The following PRPF8 variants were observed in gnomAD, a reference collection of about 807,000 sequenced individuals.
PRPF8 encodes the protein pre-mRNA processing factor 8.
Under a neutral mutation model 285.9 loss-of-function variants are expected in PRPF8, and 64 were observed. That is an observed-to-expected ratio of 0.22 (90% confidence interval 0.18 to 0.28). The LOEUF is 0.28. Ranked by LOEUF, PRPF8 falls within the 10% of genes least tolerant of loss-of-function variation. PRPF8 has a pLI of 1.00. For missense variants in PRPF8, 1,426 were observed against 3,026.7 expected, an observed-to-expected ratio of 0.47 and a Z score of 12.41; for synonymous variants, 1,325 against 1,118.2, an observed-to-expected ratio of 1.18 and a Z score of -3.69.
rs763727794 is a variant in PRPF8 at position 1,653,648 on chromosome 17, T to C, written c.6263A>G (p.Asn2088Ser). ...ISAANLHLRT[N>S]HIYVSSDDIK... ...GTCGTCAGATGAAACATAGATGTGA[T>C]TGGTCCTTAGGTGCAGGTTGGCAGC... is the stretch of plus-strand genomic sequence containing the variant. Residue 2088 changes from asparagine (N) to serine (S), a missense_variant, in exon 39 of 43, where the codon AAT becomes AGT. Around this residue, in one of 34 missense-constraint regions of PRPF8, gnomAD observed 160 missense variants for 373.7 expected, o/e 0.43. Coordinates refer to ENST00000304992, the MANE Select transcript of PRPF8 (RefSeq NM_006445.4). The surrounding 1 kb of genome is among the most constrained non-coding windows in gnomAD (Gnocchi z 4.9). 14 of 1,614,034 alleles carry C rather than the reference T, an allele frequency of 8.7e-6. No individual in the cohort carries two copies. Among genetic ancestry groups the C allele is most frequent in the South Asian group, 2.2e-5 (2 of 91,082 alleles).
chr17:1,681,190 C>A, intron 6 of PRPF8, 136 bp from the exon 7 acceptor site: 1 of 987,776 alleles, frequency 1.0e-6, no homozygotes, highest in Non-Finnish European at 1.6e-6. Flanking sequence ...ACAATCCTCC[C>A]ACAGCTCAGC....
intron 14 of PRPF8, 182 bp downstream of exon 14, chr17:1,677,383 C>T: frequency 1.0e-6 from 1 of 999,432 alleles, no homozygotes; most frequent in South Asian, 1.4e-5. Context: ...TGCATGACTG[C>T]CTCTCAAGGC....
At chr17:1,684,078 G>C (rs942372194) in intron 2 of PRPF8, among the ~76,000 whole-genome samples, 6 of 152,038 alleles carry the variant, frequency 3.9e-5, no homozygotes, top group Non-Finnish European at 8.8e-5. Context: ...GTAGAGACGA[G>C]GTTTCACTGT....
At chr17:1,674,018 ATTTTAT>A (rs1912472664) in intron 21 of PRPF8, 126 bp from the exon 22 acceptor site, 1 of 1,023,646 alleles carries the variant, frequency 9.8e-7, no homozygotes, top group Non-Finnish European at 1.4e-6. Context: ...GCTTCATTCC[ATTTTAT>A]TTTTATTTAT....
At chr17:1,654,130 A>G in intron 37 of PRPF8, 114 bp from the exon 38 acceptor site, 1 of 1,477,200 alleles carries the variant, frequency 6.8e-7, no homozygotes, top group South Asian at 1.1e-5. Flanking sequence ...CGCCCCAGAC[A>G]ATCCACAAGA....
intron 39 of PRPF8, chr17:1,652,927 C>T (rs1157422944): frequency 6.0e-6 from 1 of 168,000 alleles, no homozygotes; most frequent in East Asian, 1.6e-4. Context: ...GGACTACAGC[C>T]ACGTTTTTTT....
rs773012698 is a variant in PRPF8, at chr17:1,675,609, G to T, written c.2872+11C>A. On this transcript the variant is annotated intron_variant, in intron 19 of 42. Transcript: ENST00000304992. This position sits in a 1 kb window ranked among gnomAD's most constrained non-coding sequence, Gnocchi z 6.0. ...CCCGTTCCTCACAGGGCGATCTCAT[G>T]AAAGTTCTACCTTGACACCACTTGT... is the stretch of plus-strand genomic sequence containing the variant. 3 of 1,614,070 alleles carry T rather than the reference G, an allele frequency of 1.9e-6. No individual in the cohort carries two copies. Among genetic ancestry groups the T allele is most frequent in the South Asian group, 2.2e-5 (2 of 91,080 alleles).
At chr17:1,667,006 C>G (rs947841752) in intron 24 of PRPF8, among the ~76,000 whole-genome samples, 1 of 152,074 alleles carries the variant, frequency 6.6e-6, no homozygotes, top group African/African-American at 2.4e-5. Flanking sequence ...AACCCTGTCT[C>G]TACTAAAAAT....
chr17:1,663,842 C>CTGGAG, intron 24 of PRPF8, among the ~76,000 whole-genome samples: 1 of 151,260 alleles, frequency 6.6e-6, no homozygotes, highest in Non-Finnish European at 1.5e-5. Context: ...CAAAACAAAG[C>CTGGAG]TGGAGTGGCA....
In PRPF8 at chr17:1,678,652, G is replaced by A; in HGVS notation, c.1720C>T (p.Leu574=). ...YRLGNVDAFQ[L]ADGLQYIFAH... ...AATATATACTGCAATCCATCTGCCAGCTGCAATACAATTGCCCCATCAGAC... is the reference window on the plus strand; with the variant it reads ...AATATATACTGCAATCCATCTGCCAACTGCAATACAATTGCCCCATCAGAC... Residue 574 remains leucine, a splice_region_variant and synonymous_variant, in exon 13 of 43, where the codon CTG becomes TTG. Transcript: ENST00000304992. 5.0e-6 allele frequency: 8 copies of A among 1,614,156 alleles called. No homozygotes were observed. Among genetic ancestry groups the A allele is most frequent in the South Asian group, 2.2e-5 (2 of 91,082 alleles).
chr17:1,671,032 T>C (rs1294251747), intron 24 of PRPF8, among the ~76,000 whole-genome samples: 1 of 152,160 alleles, frequency 6.6e-6, no homozygotes, highest in Non-Finnish European at 1.5e-5. Context: ...CTCCATGATA[T>C]GGCTCTCCAC....
rs1567688483 is a variant in PRPF8, at chr17:1,675,610, A to G, written c.2872+10T>C. ...CCGTTCCTCACAGGGCGATCTCATG[A>G]AAGTTCTACCTTGACACCACTTGTA... On this transcript the variant is annotated intron_variant, in intron 19 of 42. Transcript: ENST00000304992. This position sits in a 1 kb window ranked among gnomAD's most constrained non-coding sequence, Gnocchi z 6.0. 6.2e-7 allele frequency: 1 copy of G among 1,614,116 alleles called. No homozygotes were observed. Among genetic ancestry groups the G allele is most frequent in the Admixed American group, 1.7e-5 (1 of 60,008 alleles).
rs2151114750 is a variant in PRPF8, at chr17:1,658,818, C to T, written c.5139-55G>A. ...AAGACGAGAATGACAGCCCCAGAAA[C>T]AAGACAAGCTGCCAACTCTACAGAG... is the stretch of plus-strand genomic sequence containing the variant. On this transcript the variant is annotated intron_variant, in intron 32 of 42. Coordinates refer to ENST00000304992, the MANE Select transcript of PRPF8 (RefSeq NM_006445.4). This position sits in a 1 kb window ranked among gnomAD's most constrained non-coding sequence, Gnocchi z 4.1. 4.7e-6 allele frequency: 7 copies of T among 1,488,946 alleles called. No homozygotes were observed. The South Asian group carries it at 5.7e-5, about 12-fold the overall frequency. The allele number at this position is 1,488,946 out of a possible 1,614,324, so 92.2% of individuals were successfully genotyped here.
intron 24 of PRPF8, among the ~76,000 whole-genome samples, chr17:1,672,413 G>T (rs371539481): frequency 6.6e-6 from 1 of 152,186 alleles, no homozygotes; most frequent in Non-Finnish European, 1.5e-5. Context: ...CCAAGTAGCT[G>T]CGATTACAGG....
Position 1,660,899 on chromosome 17 carries a change from G to A in PRPF8, c.4509-72C>T, listed in dbSNP as rs1272557215. The stretch of plus-strand genomic sequence containing the variant: ...GCACACTGCTAACCTCCTGGAGGTG[G>A]CTGTCTGGGAAACACCACAGGAAAT... On this transcript the variant is annotated intron_variant, in intron 28 of 42. Transcript: ENST00000304992. 3 of 1,612,234 alleles carry A rather than the reference G, an allele frequency of 1.9e-6. No homozygotes were observed. In the East Asian group the frequency reaches 6.7e-5, roughly 36 times the overall value.
In PRPF8 at chr17:1,674,546, A is replaced by G; in HGVS notation, c.3195T>C (p.Pro1065=). The G allele has an allele frequency of 6.2e-7, 1 of 1,614,156 alleles. No individual in the cohort carries two copies. The highest frequency in any genetic ancestry group is 2.2e-5 in the East Asian group (1 of 44,880). The change falls in exon 21 of 43, where the codon CCT becomes CCC. Residue 1065 remains proline, a synonymous_variant. Transcript: ENST00000304992. ...LHRASEMAGP[P]QMPNDFLSFQ... ...AACTGAGAAAGTCATTTGGCATCTG[A>G]GGGGGCCCAGCCATCTCACTGGCCC...
At chr17:1,684,380 A>C (rs1567694652) in intron 2 of PRPF8, 92 bp downstream of exon 2, 2 of 1,253,056 alleles carry the variant, frequency 1.6e-6, no homozygotes, top group African/African-American at 3.0e-5. Flanking sequence ...ACACCTCAGG[A>C]GCTGCCCAAA....
At position 1,653,007 on chromosome 17, in the gene PRPF8, C is replaced by T. The variant is rs1226282274; in HGVS notation, c.6369+535G>A. ...GGAGTGCAGTGATGCAATCTTGGCT[C>T]ACTGCAAGCTCCACCTCACCTCCCG... is the stretch of plus-strand genomic sequence containing the variant. On this transcript the variant is annotated intron_variant, in intron 39 of 42. Transcript: ENST00000304992. This position sits in a 1 kb window ranked among gnomAD's most constrained non-coding sequence, Gnocchi z 4.9. 4.8e-6 allele frequency: 1 copy of T among 206,358 alleles called. No individual in the cohort carries two copies. Among genetic ancestry groups the T allele is most frequent in the East Asian group, 1.1e-4 (1 of 8,772 alleles). 12.8% of individuals were successfully genotyped at this position (206,358 alleles called of 1,614,324 possible).
At position 1,661,014 on chromosome 17, in the gene PRPF8, G is replaced by C. The variant is rs1911655734; in HGVS notation, c.4487C>G (p.Pro1496Arg). 6.2e-7 allele frequency: 1 copy of C among 1,614,128 alleles called. No homozygotes were observed. The highest frequency in any genetic ancestry group is 8.5e-7 in the Non-Finnish European group (1 of 1,180,042). The change falls in exon 28 of 43, where the codon CCT becomes CGT. Residue 1496 changes from proline (P) to arginine (R), a missense_variant. By Grantham distance (103) the Pro-to-Arg change is moderately radical. Around this residue, in one of 34 missense-constraint regions of PRPF8, gnomAD observed 23 missense variants for 43.6 expected, o/e 0.53. Transcript: ENST00000304992. The surrounding 1 kb of genome is among the most constrained non-coding windows in gnomAD (Gnocchi z 7.3). Reference protein sequence around the residue: ...EHTLFKGTYFPTWEGLFWEKA... With the variant: ...EHTLFKGTYFRTWEGLFWEKA... Reference sequence around the variant, plus strand: ...TCACCAGAAAAGCCCCTCCCAGGTAGGGAAGTAAGTGCCCTTAAAGAGTGT... The same window carrying C: ...TCACCAGAAAAGCCCCTCCCAGGTACGGAAGTAAGTGCCCTTAAAGAGTGT...
Sources: allele counts gnomAD v4.1 joint callset (sites outside exome capture counted in the v4.1 genomes callset), GRCh38; gene constraint gnomAD v4.1.1; regional missense constraint gnomAD v4.1.1; non-coding constraint Gnocchi (gnomAD v3.1); transcripts MANE v1.5; gene names NCBI Gene and HGNC (gene_info 2026-07-23, HGNC 2026-07-21).